Variants in GALNT2 observed in about 807,000 individuals in gnomAD.
GALNT2 encodes the protein UDP-GalNAc:polypeptide N-acetylgalactosaminyltransferase 2.
In GALNT2, 31 loss-of-function variants were observed where a neutral mutation model predicts 81.4. The observed-to-expected ratio is 0.38, with a 90% CI of 0.29 to 0.51. The LOEUF is 0.51. Ranked by LOEUF, GALNT2 falls within the 20% of genes least tolerant of loss-of-function variation. GALNT2 has a pLI of 0.87. For missense variants in GALNT2, 629 were observed against 765.7 expected (o/e 0.82, Z 2.11); for synonymous variants, 303 against 287.4 (o/e 1.05, Z -0.55).
intron 1 of GALNT2, among the ~76,000 whole-genome samples, chr1:230,127,674 AG>A (rs1661231226): frequency 7.3e-6 from 1 of 136,238 alleles, no homozygotes; most frequent in Non-Finnish European, 1.6e-5. Flanking sequence ...GTGCCGGCCG[AG>A]GGTTTTTTTT....
At chr1:230,136,795 C>T (rs546298658) in intron 1 of GALNT2, among the ~76,000 whole-genome samples, 2 of 152,280 alleles carry the variant, frequency 1.3e-5, no homozygotes, top group East Asian at 1.9e-4. Context: ...TGCCATTGTA[C>T]GGGAAGCTCA....
upstream of GALNT2, among the ~76,000 whole-genome samples, chr1:230,065,602 T>C (rs1366031353): frequency 6.6e-6 from 1 of 152,244 alleles, no homozygotes; most frequent in East Asian, 1.9e-4. Flanking sequence ...GCAGAATCTT[T>C]AAATGCAGTT....
chr1:230,245,169 A>G (rs1665325951), intron 7 of GALNT2, among the ~76,000 whole-genome samples: 1 of 151,576 alleles, frequency 6.6e-6, no homozygotes, highest in Non-Finnish European at 1.5e-5. Flanking sequence ...TTTTTTTTTA[A>G]TAGAATCACA....
intron 1 of GALNT2, among the ~76,000 whole-genome samples, chr1:230,154,757 A>G (rs897387707): frequency 6.6e-6 from 1 of 152,186 alleles, no homozygotes; most frequent in East Asian, 1.9e-4. Flanking sequence ...CTCGGAAGGA[A>G]CAAACCCTGT....
intron 2 of GALNT2, among the ~76,000 whole-genome samples, chr1:230,185,303 C>T (rs2748118): frequency 0.099 from 7,051 of 71,258 alleles, 499 homozygotes; most frequent in East Asian, 0.47. Context: ...TGTGTGTGTG[C>T]GCGCGTGTGT....
chr1:230,186,408 T>C (rs936383325), intron 2 of GALNT2, among the ~76,000 whole-genome samples: 2 of 152,210 alleles, frequency 1.3e-5, no homozygotes, highest in African/African-American at 2.4e-5. Context: ...GGATGAGTCA[T>C]GAAGCCCTGA....
intron 1 of GALNT2, among the ~76,000 whole-genome samples, chr1:230,109,441 T>C (rs562947206): frequency 6.6e-6 from 1 of 152,122 alleles, no homozygotes; most frequent in Admixed American, 6.5e-5. Context: ...GGGACAGAGG[T>C]CTGTCTGGGA....
At chr1:230,152,074 T>C (rs1682015938) in intron 1 of GALNT2, among the ~76,000 whole-genome samples, 1 of 152,184 alleles carries the variant, frequency 6.6e-6, no homozygotes, top group Admixed American at 6.5e-5. Context: ...GCCTGTCTTA[T>C]CAGCAAGGTC....
At chr1:230,091,255 T>C (rs1161350714) in intron 1 of GALNT2, among the ~76,000 whole-genome samples, 2 of 145,808 alleles carry the variant, frequency 1.4e-5, no homozygotes, top group Non-Finnish European at 3.0e-5. Flanking sequence ...TTTTTTTTTT[T>C]AGTAGAGACA....
chr1:230,120,977 C>T (rs1660998288), intron 1 of GALNT2, among the ~76,000 whole-genome samples: 1 of 152,226 alleles, frequency 6.6e-6, no homozygotes, highest in Admixed American at 6.5e-5. Flanking sequence ...TGGTTTAGGA[C>T]TCCTAATCTT....
At chr1:230,273,298 C>G (rs1001891591) in intron 14 of GALNT2, among the ~76,000 whole-genome samples, 10 of 152,194 alleles carry the variant, frequency 6.6e-5, no homozygotes, top group African/African-American at 1.9e-4. Flanking sequence ...GGGAGCCTGG[C>G]TCTGTGACAG....
intron 11 of GALNT2, among the ~76,000 whole-genome samples, chr1:230,259,997 C>T (rs907281172): frequency 6.6e-6 from 1 of 152,162 alleles, no homozygotes; most frequent in South Asian, 2.1e-4. Flanking sequence ...CAGGAGTGAA[C>T]AAGGGCAGTT....
intron 14 of GALNT2, among the ~76,000 whole-genome samples, chr1:230,266,873 C>T (rs1416943046): frequency 1.3e-5 from 2 of 152,176 alleles, no homozygotes; most frequent in African/African-American, 2.4e-5. Flanking sequence ...TCCGTATCAG[C>T]GTCAACAGTC....
intron 2 of GALNT2, among the ~76,000 whole-genome samples, chr1:230,182,521 A>G (rs1663192436): frequency 6.6e-6 from 1 of 152,164 alleles, no homozygotes; most frequent in African/African-American, 2.4e-5. Flanking sequence ...TTTAGTCTCC[A>G]TGTACTTTGG....
At chr1:230,272,357 C>A (rs1052173917) in intron 14 of GALNT2, among the ~76,000 whole-genome samples, 1 of 152,090 alleles carries the variant, frequency 6.6e-6, no homozygotes, top group African/African-American at 2.4e-5. Context: ...GTTTGGAATG[C>A]TACAGTGCAC....
intron 1 of GALNT2, among the ~76,000 whole-genome samples, chr1:230,130,581 A>G (rs1372589354): frequency 6.6e-6 from 1 of 152,140 alleles, no homozygotes; most frequent in East Asian, 1.9e-4. Context: ...TATCAGGAAC[A>G]CCGGGCCCTG....
intron 6 of GALNT2, among the ~76,000 whole-genome samples, chr1:230,238,758 G>A (rs964674995): frequency 4.6e-5 from 7 of 151,994 alleles, no homozygotes; most frequent in Non-Finnish European, 8.8e-5. Flanking sequence ...ATATATTTTT[G>A]TTAAGGATTT....
chr1:230,158,196 G>A (rs1014622656), intron 1 of GALNT2, among the ~76,000 whole-genome samples: 1 of 152,080 alleles, frequency 6.6e-6, no homozygotes, highest in Non-Finnish European at 1.5e-5. Flanking sequence ...GGTAGCAGGG[G>A]GGCAGGATGA....
chr1:230,175,121 A>G (rs1053308189), intron 1 of GALNT2, among the ~76,000 whole-genome samples: 30 of 152,226 alleles, frequency 2.0e-4, no homozygotes, highest in Non-Finnish European at 5.9e-5. Context: ...GAGTGGGACA[A>G]GACAAGCATC....
Sources: gnomAD v4.1 joint callset for allele counts (sites outside exome capture counted in the v4.1 genomes callset) on GRCh38, gnomAD v4.1.1 for gene constraint, MANE v1.5 for transcripts, NCBI Gene and HGNC (gene_info 2026-07-23, HGNC 2026-07-21) for gene names.